Variants in DNER observed in about 807,000 individuals in gnomAD.
The protein encoded by DNER is delta/notch like EGF repeat containing.
A neutral mutation model predicts 78.2 loss-of-function variants in DNER; 33 were observed. The ratio of observed to expected loss-of-function variants is 0.42; its 90% CI spans 0.32 to 0.56. The LOEUF is 0.56. DNER is among the 20% of genes least tolerant of loss of function. The probability of loss-of-function intolerance (pLI) is 0.11; values close to 1 mark genes in which losing one functional copy is unlikely to be tolerated. For missense variants in DNER, 918 were observed against 975.3 expected (o/e 0.94, Z 0.78); for synonymous variants, 417 against 384.8 (o/e 1.08, Z -0.98).
intron 4 of DNER, among the ~76,000 whole-genome samples, chr2:229,574,781 C>T (rs191001588): frequency 2.2e-4 from 33 of 152,196 alleles, no homozygotes; most frequent in Non-Finnish European, 3.7e-4. Context: ...CTCTCTCTTT[C>T]CTGCTCTCCT....
chr2:229,690,748 T>A lies in DNER; in HGVS notation c.276+23400A>T, dbSNP rs1213800984. 2.0e-5 allele frequency among the ~76,000 whole-genome samples: 3 copies of A among 152,076 alleles called. No homozygotes were observed. The East Asian group carries it at 5.8e-4, about 29-fold the overall frequency. ...GACAGACTGTAAATGATGGACCCAA[T>A]GAAAAAGTAAGTTACAAAGGAGGTA... On this transcript the variant is annotated intron_variant, in intron 1 of 12. Coordinates refer to ENST00000341772, the MANE Select transcript of DNER (RefSeq NM_139072.4).
At chr2:229,448,013 C>A (rs898678131) in intron 7 of DNER, among the ~76,000 whole-genome samples, 1 of 152,050 alleles carries the variant, frequency 6.6e-6, no homozygotes. Flanking sequence ...AAAACCATAT[C>A]AAATAGTAAA....
intron 11 of DNER, among the ~76,000 whole-genome samples, chr2:229,383,239 C>T (rs1012303866): frequency 1.3e-4 from 20 of 152,240 alleles, no homozygotes; most frequent in Admixed American, 1.1e-3. Context: ...ACCAGGCCTG[C>T]CTTACAAGAG....
chr2:229,621,657 T>A (rs987075144), intron 1 of DNER, among the ~76,000 whole-genome samples: 3 of 151,974 alleles, frequency 2.0e-5, no homozygotes, highest in African/African-American at 7.3e-5. Flanking sequence ...ACTTCCCACA[T>A]GCTCCCAACA....
chr2:229,535,912 G>A (rs1696394718), intron 5 of DNER, among the ~76,000 whole-genome samples: 1 of 152,164 alleles, frequency 6.6e-6, no homozygotes, highest in Non-Finnish European at 1.5e-5. Context: ...CCAAAGTGCT[G>A]GGATTACAGG....
chr2:229,592,882 C>T (rs1017819695), intron 1 of DNER, among the ~76,000 whole-genome samples: 1 of 152,096 alleles, frequency 6.6e-6, no homozygotes, highest in Non-Finnish European at 1.5e-5. Context: ...AGAAGTGGGA[C>T]CCTCACTCTC....
chr2:229,370,471 A>G (rs534167120), intron 11 of DNER, among the ~76,000 whole-genome samples: 1 of 152,332 alleles, frequency 6.6e-6, no homozygotes, highest in Admixed American at 6.5e-5. Flanking sequence ...ACTCACATAC[A>G]GGCAGACTGA....
At chr2:229,603,717 C>T (rs1029859985) in intron 1 of DNER, among the ~76,000 whole-genome samples, 3 of 151,812 alleles carry the variant, frequency 2.0e-5, no homozygotes, top group Non-Finnish European at 2.9e-5. Context: ...TATGATAATA[C>T]ATTGAGCTGT....
At position 229,541,505 on chromosome 2, in the gene DNER, G is replaced by A. The variant is rs530368123; in HGVS notation, c.993+5442C>T. 3.9e-5 allele frequency among the ~76,000 whole-genome samples: 6 copies of A among 152,200 alleles called. No individual in the cohort carries two copies. In the South Asian group the frequency reaches 1.2e-3, roughly 32 times the overall value. The stretch of plus-strand genomic sequence containing the variant: ...CATTATTGGAACGCTAAGCCTGTGG[G>A]AGTTATTTATATCCTACTGCTCAAG... On this transcript the variant is annotated intron_variant, in intron 5 of 12. Coordinates refer to ENST00000341772, the MANE Select transcript of DNER (RefSeq NM_139072.4).
chr2:229,680,678 G>A (rs1169852302), intron 1 of DNER, among the ~76,000 whole-genome samples: 1 of 152,192 alleles, frequency 6.6e-6, no homozygotes, highest in Non-Finnish European at 1.5e-5. Flanking sequence ...CAAAATCAAA[G>A]AATCAGAACA....
intron 6 of DNER, among the ~76,000 whole-genome samples, chr2:229,495,626 G>A (rs913788380): frequency 9.2e-5 from 14 of 152,132 alleles, no homozygotes; most frequent in African/African-American, 2.4e-4. Flanking sequence ...GCCCACCCAC[G>A]TTAGGAAGGG....
At chr2:229,607,815 G>A (rs1052589556) in intron 1 of DNER, among the ~76,000 whole-genome samples, 1 of 151,892 alleles carries the variant, frequency 6.6e-6, no homozygotes, top group African/African-American at 2.4e-5. Flanking sequence ...TTGGGCCCAG[G>A]AGTTCAAGAC....
At chr2:229,658,705 A>T (rs530334617) in intron 1 of DNER, among the ~76,000 whole-genome samples, 6 of 152,256 alleles carry the variant, frequency 3.9e-5, no homozygotes, top group African/African-American at 1.4e-4. Flanking sequence ...ATGACAACCA[A>T]TTCAAAGAGT....
intron 1 of DNER, among the ~76,000 whole-genome samples, chr2:229,699,590 C>T (rs768040665): frequency 2.0e-5 from 3 of 152,118 alleles, no homozygotes; most frequent in Non-Finnish European, 2.9e-5. Context: ...GTCTCGAACT[C>T]CTAGGCTCAA....
Position 229,424,273 on chromosome 2 carries a change from C to T in DNER, c.1487-6043G>A, listed in dbSNP as rs977787520. Among the ~76,000 whole-genome samples, 9 of 152,212 alleles carry T rather than the reference C, an allele frequency of 5.9e-5. No individual in the cohort carries two copies. The South Asian group carries it at 8.3e-4, about 14-fold the overall frequency. On this transcript the variant is annotated intron_variant, in intron 8 of 12. Transcript: ENST00000341772. Reference sequence around the variant, plus strand: ...GTTTAATTCTCATAAAAACCCAAGGCGATGGGCATGAATCATCCCAATTTA... The same window carrying T: ...GTTTAATTCTCATAAAAACCCAAGGTGATGGGCATGAATCATCCCAATTTA...
intron 1 of DNER, among the ~76,000 whole-genome samples, chr2:229,617,835 C>T (rs1253363205): frequency 1.3e-5 from 2 of 152,096 alleles, no homozygotes; most frequent in African/African-American, 4.8e-5. Flanking sequence ...ACCTGTGGTC[C>T]CAGCTACTTA....
intron 10 of DNER, among the ~76,000 whole-genome samples, chr2:229,399,188 C>T (rs1693212919): frequency 6.6e-6 from 1 of 151,236 alleles, no homozygotes; most frequent in Non-Finnish European, 1.5e-5. Flanking sequence ...AAAAAAAAAT[C>T]CTAAAACTAG....
intron 5 of DNER, among the ~76,000 whole-genome samples, chr2:229,529,231 A>G (rs1316539083): frequency 6.6e-6 from 1 of 152,100 alleles, no homozygotes; most frequent in Non-Finnish European, 1.5e-5. Context: ...ACCATATGTG[A>G]AGAAATCCTA....
chr2:229,608,701 A>T (rs75111173), intron 1 of DNER, among the ~76,000 whole-genome samples: 6,904 of 152,206 alleles, frequency 0.045, 467 homozygotes, highest in African/African-American at 0.15. Flanking sequence ...TGGAAGAATC[A>T]TTGTTTCTGG....
Sources: gnomAD v4.1 joint callset for allele counts (sites outside exome capture counted in the v4.1 genomes callset) on GRCh38, gnomAD v4.1.1 for gene constraint, MANE v1.5 for transcripts, NCBI Gene and HGNC (gene_info 2026-07-23, HGNC 2026-07-21) for gene names.